EYS: variants seen among roughly 807,000 people sequenced by gnomAD.
The protein encoded by EYS is protein eyes shut homolog.
A neutral mutation model predicts 282.1 loss-of-function variants in EYS; 250 were observed. The ratio of observed to expected loss-of-function variants is 0.89; its 90% CI spans 0.80 to 0.98. The LOEUF is 0.98. Ranked by LOEUF, EYS falls within the 50% of genes least tolerant of loss-of-function variation. EYS has a pLI of 0.00. For synonymous variants in EYS, 1,355 were observed against 1,282.9 expected (o/e 1.06, Z -1.20); for missense variants, 4,016 against 3,709.0 (o/e 1.08, Z -2.15).
chr6:65,340,384 ACT>A (rs1304318549), intron 10 of EYS, among the ~76,000 whole-genome samples: 1 of 151,124 alleles, frequency 6.6e-6, no homozygotes, highest in Non-Finnish European at 1.5e-5. Context: ...TTAAAACAAC[ACT>A]CTTGGAATTT....
intron 5 of EYS, among the ~76,000 whole-genome samples, chr6:65,482,741 G>A (rs1037348135): frequency 1.3e-5 from 2 of 152,188 alleles, no homozygotes; most frequent in African/African-American, 4.8e-5. Context: ...AATGGTAGCT[G>A]AAGTTACCAT....
At chr6:65,499,506 C>A (rs1325105468) in intron 2 of EYS, among the ~76,000 whole-genome samples, 2 of 151,904 alleles carry the variant, frequency 1.3e-5, no homozygotes, top group Admixed American at 6.6e-5. Flanking sequence ...AGAAGTATGA[C>A]CTCCACAATA....
chr6:65,656,556 G>A (rs1275614806), intron 1 of EYS, among the ~76,000 whole-genome samples: 1 of 151,810 alleles, frequency 6.6e-6, no homozygotes, highest in South Asian at 2.1e-4. Context: ...CTTCAATTAC[G>A]TGAAGACAGA....
intron 41 of EYS, among the ~76,000 whole-genome samples, chr6:63,742,516 G>T (rs1292510984): frequency 1.3e-5 from 2 of 152,166 alleles, no homozygotes; most frequent in Non-Finnish European, 2.9e-5. Flanking sequence ...CTTGTGGCAA[G>T]AGCCTTTACT....
At chr6:65,128,915 T>C (rs559617987) in intron 12 of EYS, among the ~76,000 whole-genome samples, 16 of 152,082 alleles carry the variant, frequency 1.1e-4, no homozygotes, top group East Asian at 7.7e-4. Context: ...CCTCAGACTA[T>C]GCTACAAGGC....
At chr6:64,245,598 C>A (rs1216134434) in intron 30 of EYS, among the ~76,000 whole-genome samples, 1 of 152,140 alleles carries the variant, frequency 6.6e-6, no homozygotes, top group Non-Finnish European at 1.5e-5. Context: ...AACCTCTGAT[C>A]TTTGCAGATT....
intron 24 of EYS, among the ~76,000 whole-genome samples, chr6:64,611,257 C>A (rs538434880): frequency 1.1e-3 from 172 of 152,228 alleles, no homozygotes; most frequent in Non-Finnish European, 2.1e-3. Flanking sequence ...CAGTACTGAG[C>A]AAACCCTCAG....
intron 31 of EYS, among the ~76,000 whole-genome samples, chr6:64,219,226 G>C (rs1022400425): frequency 3.9e-5 from 6 of 152,302 alleles, no homozygotes; most frequent in Middle Eastern, 3.4e-3. Flanking sequence ...TCAAAGGGAA[G>C]GGCAGAAGGG....
intron 29 of EYS, among the ~76,000 whole-genome samples, chr6:64,359,340 C>A (rs1379231334): frequency 6.6e-6 from 1 of 151,656 alleles, no homozygotes; most frequent in Non-Finnish European, 1.5e-5. Flanking sequence ...GAACCATTAA[C>A]CCAATTTAAA....
At chr6:65,134,665 C>A (rs189267543) in intron 12 of EYS, among the ~76,000 whole-genome samples, 34 of 152,010 alleles carry the variant, frequency 2.2e-4, no homozygotes, top group African/African-American at 8.2e-4. Context: ...AGGCTCAGTA[C>A]CTGGGTGACA....
chr6:65,400,970 C>T (rs1766472226), intron 7 of EYS, among the ~76,000 whole-genome samples: 1 of 151,866 alleles, frequency 6.6e-6, no homozygotes, highest in African/African-American at 2.4e-5. Context: ...GTCTCCAGAT[C>T]AGGACAATCA....
chr6:65,181,254 A>G (rs1765375208), intron 12 of EYS, among the ~76,000 whole-genome samples: 1 of 152,162 alleles, frequency 6.6e-6, no homozygotes, highest in Admixed American at 6.5e-5. Flanking sequence ...AGAAACTACC[A>G]TCAGAGTGAA....
intron 22 of EYS, among the ~76,000 whole-genome samples, chr6:64,709,609 G>C (rs190314876): frequency 6.6e-6 from 1 of 152,254 alleles, no homozygotes; most frequent in East Asian, 1.9e-4. Flanking sequence ...TGTTCTTGAA[G>C]CAATGAAGGC....
At chr6:64,462,942 A>ATTTTGTT (rs777692265) in intron 26 of EYS, among the ~76,000 whole-genome samples, 2 of 105,926 alleles carry the variant, frequency 1.9e-5, no homozygotes, top group African/African-American at 3.5e-5. Context: ...CTCAGCTTTA[A>ATTTTGTT]TTTTTTTTTT....
intron 24 of EYS, among the ~76,000 whole-genome samples, chr6:64,593,730 T>C (rs1275959097): frequency 6.6e-6 from 1 of 152,094 alleles, no homozygotes; most frequent in East Asian, 1.9e-4. Flanking sequence ...CAACAGAAAA[T>C]TTGAAAACAT....
chr6:65,566,317 T>C (rs1315541453), intron 2 of EYS, among the ~76,000 whole-genome samples: 1 of 151,690 alleles, frequency 6.6e-6, no homozygotes, highest in Admixed American at 6.6e-5. Flanking sequence ...TCCTCCAGTA[T>C]ACTGGCAAGT....
intron 40 of EYS, among the ~76,000 whole-genome samples, chr6:63,772,698 T>G (rs1769962772): frequency 6.6e-6 from 1 of 152,162 alleles, no homozygotes; most frequent in Non-Finnish European, 1.5e-5. Flanking sequence ...TCTTCAGTAT[T>G]TAAAAATTGG....
intron 31 of EYS, among the ~76,000 whole-genome samples, chr6:64,180,017 A>G (rs1245546313): frequency 6.6e-6 from 1 of 152,152 alleles, no homozygotes; most frequent in Non-Finnish European, 1.5e-5. Context: ...GATAAAACAA[A>G]ATGAATGAAT....
chr6:65,405,148 C>A, intron 6 of EYS, 26 bp downstream of exon 6: 2 of 1,558,256 alleles, frequency 1.3e-6, no homozygotes, highest in Admixed American at 1.7e-5. Flanking sequence ...TAAAACCACT[C>A]ACTTATATGT....
Sources: gnomAD v4.1 joint callset for allele counts (sites outside exome capture counted in the v4.1 genomes callset) on GRCh38, gnomAD v4.1.1 for gene constraint, MANE v1.5 for transcripts, NCBI Gene and HGNC (gene_info 2026-07-23, HGNC 2026-07-21) for gene names.